ABLIM1: variants seen among roughly 807,000 people sequenced by gnomAD.
ABLIM1 encodes actin-binding LIM protein 1.
ABLIM1 carries 40 observed loss-of-function variants against 107.0 expected under a neutral mutation model. That is an observed-to-expected ratio of 0.37 (90% CI 0.29 to 0.49). The LOEUF (loss-of-function observed/expected upper bound fraction) is 0.49, where lower values mean the gene tolerates loss of function less well. Ranked by LOEUF, ABLIM1 falls within the 20% of genes least tolerant of loss-of-function variation. The pLI, the probability that ABLIM1 is intolerant of heterozygous loss-of-function variation, is 0.97. For missense variants in ABLIM1, 857 were observed against 1,008.5 expected (o/e 0.85, Z 2.04); for synonymous variants, 357 against 357.3 (o/e 1.00, Z 0.01).
chr10:114,684,438 G>A (rs2080877603), exon 1 of ABLIM1: 13 of 1,585,860 alleles, frequency 8.2e-6, no homozygotes, highest in Non-Finnish European at 1.1e-5. Flanking sequence ...GAGAGGCTGG[G>A]GCCCTGGCTC....
At chr10:114,767,065 G>T (rs1427543466) in intron 1 of ABLIM1, among the ~76,000 whole-genome samples, 2 of 152,042 alleles carry the variant, frequency 1.3e-5, no homozygotes, top group African/African-American at 4.8e-5. Flanking sequence ...AAAACACTCT[G>T]GATAGAGATT....
At chr10:114,542,353 T>G (rs2066772332) in intron 6 of ABLIM1, among the ~76,000 whole-genome samples, 1 of 144,246 alleles carries the variant, frequency 6.9e-6, no homozygotes, top group African/African-American at 2.6e-5. Context: ...AAAGTTGCAG[T>G]GAGGTATGAT....
At chr10:114,563,410 C>T (rs998964624) in intron 4 of ABLIM1, among the ~76,000 whole-genome samples, 8 of 152,094 alleles carry the variant, frequency 5.3e-5, no homozygotes, top group South Asian at 4.2e-4. Flanking sequence ...GTTGTCTGTC[C>T]GTGAGTTTTC....
intron 1 of ABLIM1, among the ~76,000 whole-genome samples, chr10:114,763,672 C>T (rs1462207895): frequency 1.3e-5 from 2 of 152,208 alleles, no homozygotes; most frequent in Non-Finnish European, 2.9e-5. Flanking sequence ...GCATGAGCCA[C>T]TGCACCCAAC....
chr10:114,536,052 C>T (rs1486404800), intron 6 of ABLIM1, among the ~76,000 whole-genome samples: 1 of 151,878 alleles, frequency 6.6e-6, no homozygotes, highest in African/African-American at 2.4e-5. Flanking sequence ...CATTTCATTA[C>T]TCCAAAAAGA....
intron 6 of ABLIM1, among the ~76,000 whole-genome samples, chr10:114,510,691 C>G (rs1432047955): frequency 1.3e-5 from 2 of 151,466 alleles, no homozygotes; most frequent in East Asian, 3.9e-4. Context: ...ACTCCCATTA[C>G]CCAGGGTGGA....
chr10:114,748,837 T>G (rs561995363), intron 1 of ABLIM1, among the ~76,000 whole-genome samples: 2 of 152,106 alleles, frequency 1.3e-5, no homozygotes, highest in South Asian at 4.2e-4. Context: ...TATTTTTTAA[T>G]GTTTTTTGTA....
chr10:114,571,237 T>G, intron 4 of ABLIM1, 60 bp downstream of exon 4: 1 of 1,473,750 alleles, frequency 6.8e-7, no homozygotes, highest in South Asian at 1.1e-5. Context: ...GGAAGGCACC[T>G]GCCTGAGCTA....
intron 6 of ABLIM1, among the ~76,000 whole-genome samples, chr10:114,510,314 T>G (rs1162148649): frequency 6.6e-6 from 1 of 150,584 alleles, no homozygotes; most frequent in Non-Finnish European, 1.5e-5. Flanking sequence ...TAGACTGAAA[T>G]GAGCCTTCTC....
upstream of ABLIM1, among the ~76,000 whole-genome samples, chr10:114,686,462 A>G (rs1212274940): frequency 6.6e-6 from 1 of 151,832 alleles, no homozygotes; most frequent in Non-Finnish European, 1.5e-5. Context: ...GCAGTGAGCC[A>G]TGATCACACC....
At chr10:114,791,649 C>A in the ABLIM1 span, among the ~76,000 whole-genome samples, 5 of 149,520 alleles carry the variant, frequency 3.3e-5, no homozygotes, top group African/African-American at 7.3e-5. Flanking sequence ...AAAAAAAAAA[C>A]AAAAACAAGA....
chr10:114,735,775 T>C (rs2082167473), intron 1 of ABLIM1, among the ~76,000 whole-genome samples: 1 of 152,178 alleles, frequency 6.6e-6, no homozygotes. Context: ...GCCAATGTGT[T>C]GGTCTTATCA....
intron 1 of ABLIM1, among the ~76,000 whole-genome samples, chr10:114,653,112 C>T (rs1252591124): frequency 1.3e-5 from 2 of 152,204 alleles, no homozygotes; most frequent in African/African-American, 2.4e-5. Flanking sequence ...AGACCTAAGC[C>T]CAAATCTAGT....
intron 4 of ABLIM1, among the ~76,000 whole-genome samples, chr10:114,564,288 A>G (rs2070312671): frequency 6.6e-6 from 1 of 151,888 alleles, no homozygotes; most frequent in Non-Finnish European, 1.5e-5. Flanking sequence ...TTTTTGAGAC[A>G]AAGTCTTGCT....
At chr10:114,781,586 G>A in the ABLIM1 span, among the ~76,000 whole-genome samples, 1 of 150,248 alleles carries the variant, frequency 6.7e-6, no homozygotes, top group Non-Finnish European at 1.5e-5. Context: ...ATGTGTGTGT[G>A]AATATGTGTG....
intron 10 of ABLIM1, among the ~76,000 whole-genome samples, chr10:114,468,925 G>T (rs975986509): frequency 1.3e-5 from 2 of 151,928 alleles, no homozygotes; most frequent in African/African-American, 4.8e-5. Flanking sequence ...GGTGGCGGGC[G>T]CCTGTAGTCC....
At chr10:114,468,313 CG>C in intron 10 of ABLIM1, 97 bp from the exon 11 acceptor site, 2 of 1,226,916 alleles carry the variant, frequency 1.6e-6, no homozygotes, top group Non-Finnish European at 2.4e-6. Flanking sequence ...CTCGCTCTGT[CG>C]CCCAGGCTGG....
chr10:114,681,015 G>C (rs1275058620), intron 1 of ABLIM1, among the ~76,000 whole-genome samples: 2 of 152,144 alleles, frequency 1.3e-5, no homozygotes, highest in East Asian at 3.9e-4. Context: ...GACTATTACA[G>C]TGACAGTCAC....
intron 1 of ABLIM1, among the ~76,000 whole-genome samples, chr10:114,649,723 T>A (rs1156483229): frequency 6.6e-6 from 1 of 152,112 alleles, no homozygotes; most frequent in Non-Finnish European, 1.5e-5. Flanking sequence ...GAATCACCCA[T>A]CTGCTGACCA....
Sources: allele counts gnomAD v4.1 joint callset (sites outside exome capture counted in the v4.1 genomes callset), GRCh38; gene constraint gnomAD v4.1.1; transcripts MANE v1.5; gene names NCBI Gene and HGNC (gene_info 2026-07-23, HGNC 2026-07-21).